The following PSMD2 variants were observed in gnomAD, a reference collection of about 807,000 sequenced individuals.
PSMD2 encodes proteasome 26S subunit ubiquitin receptor, non-ATPase 2, also known as 26S proteasome non-ATPase regulatory subunit 2.
PSMD2 carries 8 observed loss-of-function variants against 101.5 expected under a neutral mutation model. The observed-to-expected ratio is 0.08, with a 90% CI of 0.05 to 0.14. PSMD2 has a LOEUF of 0.14. Ranked by LOEUF, PSMD2 falls within the 10% of genes least tolerant of loss-of-function variation. The pLI is 1.00. For missense variants in PSMD2, 784 were observed against 1,147.4 expected, an observed-to-expected ratio of 0.68 and a Z score of 4.58; for synonymous variants, 418 against 433.8, an observed-to-expected ratio of 0.96 and a Z score of 0.45.
intron 6 of PSMD2, 69 bp downstream of exon 6, chr3:184,302,597 T>G (rs1721682783): frequency 3.7e-6 from 6 of 1,611,272 alleles, no homozygotes; most frequent in Non-Finnish European, 5.1e-6. Flanking sequence ...AGCTGGGACT[T>G]GTAGTTTCTG....
At chr3:184,301,153 AC>A (rs1400343351) in intron 3 of PSMD2, among the ~76,000 whole-genome samples, 7 of 150,786 alleles carry the variant, frequency 4.6e-5, no homozygotes, top group Non-Finnish European at 8.9e-5. Context: ...ACATGGTGAA[AC>A]CCCGTCTCTA....
intron 5 of PSMD2, 82 bp downstream of exon 5, chr3:184,302,153 G>C: frequency 6.9e-7 from 1 of 1,445,676 alleles, no homozygotes; most frequent in South Asian, 1.2e-5. Flanking sequence ...TATTTTCCCA[G>C]AGCATTTGCT....
rs889014549 is a variant in PSMD2 at position 184,304,215 on chromosome 3, T to C, written c.1452-89T>C. 4.5e-6 allele frequency: 7 copies of C among 1,553,808 alleles called. No homozygotes were observed. Among genetic ancestry groups the C allele is most frequent in the Middle Eastern group, 1.7e-4 (1 of 5,962 alleles). On this transcript the variant is annotated intron_variant, in intron 11 of 20. Coordinates refer to ENST00000310118, the MANE Select transcript of PSMD2 (RefSeq NM_002808.5). This position sits in a 1 kb window ranked among gnomAD's most constrained non-coding sequence, Gnocchi z 4.1. ...GGCTCTTGGTGAATGTTTGTTGAAA[T>C]GGTGAATGAATGACCGATTCTCCTT...
In PSMD2 at chr3:184,300,377, A is replaced by G; in HGVS notation, c.290A>G (p.Lys97Arg). The change falls in exon 3 of 21, where the codon AAA becomes AGA. Residue 97 changes from lysine to arginine, a missense_variant. Transcript: ENST00000310118. ...ATGACTTCAGTGCCCAAGCCTCTCA[A>G]ATTTCTGCGTCCACACTATGGCAAA... ...TSMTSVPKPL[K>R]FLRPHYGKLK... 2.5e-6 allele frequency: 4 copies of G among 1,614,100 alleles called. No individual in the cohort carries two copies. Among genetic ancestry groups the G allele is most frequent in the Non-Finnish European group, 3.4e-6 (4 of 1,179,962 alleles).
Position 184,305,786 on chromosome 3 carries a change from T to G in PSMD2, c.1558T>G (p.Leu520Val). ...CCTCTAGGTGGCAGGTGTCACAGCT[T>G]TAGCCTGTGGAATGATAGCAGTAGG... The part of the protein sequence containing the change: ...SSMEVAGVTA[L>V]ACGMIAVGSC... The change falls in exon 13 of 21, where the codon TTA becomes GTA. Residue 520 changes from leucine to valine, a missense_variant. Leu to Val is a conservative substitution (Grantham distance 32). Coordinates refer to ENST00000310118, the MANE Select transcript of PSMD2 (RefSeq NM_002808.5). The G allele has an allele frequency of 6.2e-7, 1 of 1,613,998 alleles. No individual in the cohort carries two copies. The highest frequency in any genetic ancestry group is 1.1e-5 in the South Asian group (1 of 91,070).
In PSMD2 at chr3:184,308,963, C is replaced by A; in HGVS notation, c.*73C>A. On this transcript the variant is annotated 3_prime_UTR_variant, in exon 21 of 21. Transcript: ENST00000310118. This position sits in a 1 kb window ranked among gnomAD's most constrained non-coding sequence, Gnocchi z 6.0. ...TGCATCCTGCTGCCAAGGGTGGACA[C>A]GGCTGCAGACTTCTGGGGGAATTGT... 6.9e-7 allele frequency: 1 copy of A among 1,445,596 alleles called. No homozygotes were observed. Among genetic ancestry groups the A allele is most frequent in the Non-Finnish European group, 9.5e-7 (1 of 1,056,598 alleles). The allele number at this position is 1,445,596 out of a possible 1,614,324, so 89.5% of individuals were successfully genotyped here.
chr3:184,300,029 T>G (rs569017870), intron 2 of PSMD2, 122 bp downstream of exon 2: 1 of 1,002,674 alleles, frequency 1.0e-6, no homozygotes, highest in African/African-American at 1.6e-5. Flanking sequence ...ATGATGATGT[T>G]GGGAGGCAGG....
intron 2 of PSMD2, 60 bp downstream of exon 2, chr3:184,299,967 C>A: frequency 6.7e-7 from 1 of 1,501,740 alleles, no homozygotes; most frequent in South Asian, 1.1e-5. Flanking sequence ...TTGTTTTATT[C>A]TTTTTTGAGG....
chr3:184,303,954 C>G lies in PSMD2; in HGVS notation c.1331C>G (p.Ala444Gly). ...YSSEDYIKSG[A>G]LLACGIVNSG... ...TCTGTTTGCTCTTTGTAGTCAGGAG[C>G]TCTTCTTGCCTGTGGCATAGTGAAC... The change falls in exon 11 of 21, where the codon GCT becomes GGT. Residue 444 changes from alanine (A) to glycine (G), a missense_variant. By Grantham distance (60) the Ala-to-Gly change is moderately conservative. Transcript: ENST00000310118. The G allele has an allele frequency of 6.2e-7, 1 of 1,614,272 alleles. No individual in the cohort carries two copies. The highest frequency in any genetic ancestry group is 8.5e-7 in the Non-Finnish European group (1 of 1,180,054).
In PSMD2 at chr3:184,308,791, C is replaced by T. The variant is rs377544899; in HGVS notation, c.2628C>T (p.His876=). The T allele has an allele frequency of 8.7e-6, 14 of 1,613,814 alleles. No individual in the cohort carries two copies. Among genetic ancestry groups the T allele is most frequent in the African/African-American group, 1.3e-5 (1 of 74,896 alleles). ...ATACAACCCCAGTGTTGTTGGCCCA[C>T]GGGGAACGGGCAGAATTGGCCACTG... ...QTHTTPVLLA[H]GERAELATEE... The change falls in exon 21 of 21, where the codon CAC becomes CAT. Residue 876 remains histidine, a synonymous_variant. Transcript: ENST00000310118. The surrounding 1 kb of genome is among the most constrained non-coding windows in gnomAD (Gnocchi z 6.0).
In PSMD2 at chr3:184,300,408, G is replaced by A; in HGVS notation, c.321G>A (p.Lys107=). The A allele has an allele frequency of 6.2e-7, 1 of 1,614,108 alleles. No homozygotes were observed. The highest frequency in any genetic ancestry group is 8.5e-7 in the Non-Finnish European group (1 of 1,179,992). Reference sequence around the variant, plus strand: ...TGCGTCCACACTATGGCAAACTGAAGGAAATCTATGAGAACATGGCCCCTG... The same window carrying A: ...TGCGTCCACACTATGGCAAACTGAAAGAAATCTATGAGAACATGGCCCCTG... ...KFLRPHYGKL[K]EIYENMAPGE... is the part of the protein sequence containing the mutation. The change falls in exon 3 of 21, where the codon AAG becomes AAA. Residue 107 remains lysine (K), a synonymous_variant. Transcript: ENST00000310118.
chr3:184,306,730 C>G (rs985423841), intron 15 of PSMD2, 21 bp from the exon 16 acceptor site: 1 of 1,605,794 alleles, frequency 6.2e-7, no homozygotes, highest in African/African-American at 1.3e-5. Flanking sequence ...TTAATGGGTT[C>G]TGCTCTCTCT....
chr3:184,306,601 G>GTATTGAAA, intron 15 of PSMD2, 106 bp downstream of exon 15: 1 of 1,541,088 alleles, frequency 6.5e-7, no homozygotes, highest in South Asian at 1.3e-5. Flanking sequence ...GTATTGCCAT[G>GTATTGAAA]TATTGAAATA....
chr3:184,300,429 C>T lies in PSMD2; in HGVS notation c.342C>T (p.Ala114=). 5.0e-6 allele frequency: 8 copies of T among 1,613,482 alleles called. No individual in the cohort carries two copies. The highest frequency in any genetic ancestry group is 6.8e-6 in the Non-Finnish European group (8 of 1,179,828). ...GKLKEIYENM[A]PGENKRFAAD... is the part of the protein sequence containing the mutation. ...TGAAGGAAATCTATGAGAACATGGC[C>T]CCTGGGGAGAATAAGGTAAAACTGT... is the stretch of plus-strand genomic sequence containing the variant. Residue 114 remains alanine, a synonymous_variant, in exon 3 of 21, where the codon GCC becomes GCT. Transcript: ENST00000310118.
chr3:184,306,550 A>AG (rs1721838734), intron 15 of PSMD2, 55 bp downstream of exon 15: 2 of 1,577,734 alleles, frequency 1.3e-6, no homozygotes, highest in Non-Finnish European at 1.7e-6. Context: ...ATAAGCATAT[A>AG]GGGGAGGCTG....
chr3:184,303,267 C>A (rs1051094092), intron 8 of PSMD2, 53 bp from the exon 9 acceptor site: 2 of 1,586,892 alleles, frequency 1.3e-6, no homozygotes, highest in African/African-American at 2.7e-5. Context: ...GTGTTTCTTT[C>A]CTGTCCTACC....
rs1203901646 is a variant in PSMD2 at position 184,305,800 on chromosome 3, G to A, written c.1572G>A (p.Met524Ile). The part of the protein sequence containing the change: ...VAGVTALACG[M>I]IAVGSCNGDV... ...GTGTCACAGCTTTAGCCTGTGGAAT[G>A]ATAGCAGTAGGGTCCTGCAATGGAG... Residue 524 changes from methionine to isoleucine, a missense_variant, in exon 13 of 21, where the codon ATG becomes ATA. Transcript: ENST00000310118. 1.9e-6 allele frequency: 3 copies of A among 1,614,116 alleles called. No individual in the cohort carries two copies. Among genetic ancestry groups the A allele is most frequent in the East Asian group, 2.2e-5 (1 of 44,892 alleles).
At chr3:184,303,099 T>G in intron 8 of PSMD2, 37 bp downstream of exon 8, 1 of 1,597,400 alleles carries the variant, frequency 6.3e-7, no homozygotes, top group Non-Finnish European at 8.6e-7. Flanking sequence ...TTTGGGGGAT[T>G]GTAGGTATGC....
At position 184,308,594 on chromosome 3, in the gene PSMD2, T is replaced by C. The variant is rs970791619; in HGVS notation, c.2544+27T>C. ...TGAGAGGCTGAGTAGAGGGGAGGGC[T>C]CAGGCTGTATTCTCAAACTGGAGAA... On this transcript the variant is annotated intron_variant, in intron 20 of 20. Coordinates refer to ENST00000310118, the MANE Select transcript of PSMD2 (RefSeq NM_002808.5). This position sits in a 1 kb window ranked among gnomAD's most constrained non-coding sequence, Gnocchi z 6.0. 3.8e-6 allele frequency: 6 copies of C among 1,598,556 alleles called. No homozygotes were observed. The African/African-American group carries it at 5.4e-5, about 14-fold the overall frequency.
Sources: gnomAD v4.1 joint callset for allele counts (sites outside exome capture counted in the v4.1 genomes callset) on GRCh38, gnomAD v4.1.1 for gene constraint, Gnocchi (gnomAD v3.1) non-coding constraint, MANE v1.5 for transcripts, NCBI Gene and HGNC (gene_info 2026-07-23, HGNC 2026-07-21) for gene names.